The following RYR1 variants were observed in gnomAD, a reference collection of about 807,000 sequenced individuals.
RYR1 encodes the protein ryanodine receptor 1.
A neutral mutation model predicts 583.5 loss-of-function variants in RYR1; 342 were observed. That is an observed-to-expected ratio of 0.59 (90% confidence interval 0.54 to 0.64). The LOEUF is 0.64. Ranked by LOEUF, RYR1 falls within the 30% of genes least tolerant of loss-of-function variation. The probability of loss-of-function intolerance (pLI) is 0.00; values close to 1 mark genes in which losing one functional copy is unlikely to be tolerated. For synonymous variants in RYR1, 2,791 were observed against 2,822.5 expected (o/e 0.99, Z 0.35); for missense variants, 6,032 against 6,917.2 (o/e 0.87, Z 4.54).
intron 31 of RYR1, among the ~76,000 whole-genome samples, chr19:38,481,590 C>T (rs150694135): frequency 0.013 from 1,986 of 152,174 alleles, 47 homozygotes; most frequent in African/African-American, 0.045. Context: ...CACTTTGCTC[C>T]TCAAAGTGTG....
At chr19:38,442,231 G>A (rs1568433446) in intron 2 of RYR1, 118 bp from the exon 3 acceptor site, 3 of 731,342 alleles carry the variant, frequency 4.1e-6, no homozygotes, top group Admixed American at 3.7e-5. Context: ...TGGGGTGGGG[G>A]TGGGGTCTGG....
rs758867047 is a variant in RYR1, at chr19:38,483,455, T to TGGGCC, written c.4875_4879dup (p.Val1627GlyfsTer9). On this transcript the variant is annotated frameshift_variant, in exon 33 of 106. Transcript: ENST00000359596. LOFTEE classifies it high-confidence loss of function. The surrounding 1 kb of genome is among the most constrained non-coding windows in gnomAD (Gnocchi z 6.3). ...GAGGCGTGCCGGCGAGCGGCTGGGC[T>TGGGCC]GGGCCGTGCAGTGCCAGGAGCCGCT... The TGGGCC allele has an allele frequency of 6.4e-7, 1 of 1,570,158 alleles. No individual in the cohort carries two copies. Among genetic ancestry groups the TGGGCC allele is most frequent in the Non-Finnish European group, 8.6e-7 (1 of 1,161,210 alleles).
chr19:38,535,014 T>C, intron 79 of RYR1, 127 bp from the exon 80 acceptor site: 1 of 1,075,142 alleles, frequency 9.3e-7, no homozygotes. Flanking sequence ...CGATCACCCC[T>C]GCATGCACAC....
intron 99 of RYR1, among the ~76,000 whole-genome samples, 167 bp from the exon 100 acceptor site, chr19:38,579,815 C>T (rs1212795066): frequency 6.6e-6 from 1 of 151,988 alleles, no homozygotes; most frequent in South Asian, 2.1e-4. Flanking sequence ...CTCATCTCCC[C>T]GCAGGATGCC....
rs769120898 is a variant in RYR1, at chr19:38,561,140, G to A, written c.12310G>A (p.Gly4104Ser). 3.0e-5 allele frequency: 48 copies of A among 1,613,924 alleles called. No homozygotes were observed. In the Middle Eastern group the frequency reaches 4.9e-4, roughly 17 times the overall value. Reference protein sequence around the residue: ...KAMDSQKQFSGPEIQFLLSCS... With the variant: ...KAMDSQKQFSSPEIQFLLSCS... ...CATGGACAGCCAGAAGCAGTTCAGC[G>A]GTCCAGAAATCCAGTTCCTGCTTTC... The change falls in exon 90 of 106, where the codon GGT becomes AGT. Residue 4104 changes from glycine to serine, a missense_variant. Coordinates refer to ENST00000359596, the MANE Select transcript of RYR1 (RefSeq NM_000540.3). This position sits in a 1 kb window ranked among gnomAD's most constrained non-coding sequence, Gnocchi z 4.8.
chr19:38,487,308 C>A (rs1476006062), intron 34 of RYR1, among the ~76,000 whole-genome samples: 1 of 152,150 alleles, frequency 6.6e-6, no homozygotes, highest in Non-Finnish European at 1.5e-5. Flanking sequence ...TATTCGTAGA[C>A]CCATCTAACT....
rs34883994 is a variant in RYR1 at position 38,463,141 on chromosome 19, G to GCC, written c.2578-269_2578-268dup. The stretch of plus-strand genomic sequence containing the variant: ...TTGAACTCCTGACCTCAGGCGATCT[G>GCC]CCCCCCCCCCCCCCACTTAGCCTCC... On this transcript the variant is annotated intron_variant, in intron 20 of 105. Coordinates refer to ENST00000359596, the MANE Select transcript of RYR1 (RefSeq NM_000540.3). 4.0e-3 allele frequency among the ~76,000 whole-genome samples: 132 copies of GCC among 32,916 alleles called. 20 individuals are homozygous for GCC. The highest frequency in any genetic ancestry group is 0.011 in the African/African-American group (53 of 4,766). 21.6% of individuals were successfully genotyped at this position (32,916 alleles called of 152,430 possible).
At chr19:38,446,927 C>A (rs531291881) in intron 9 of RYR1, among the ~76,000 whole-genome samples, 159 bp downstream of exon 9, 1 of 151,924 alleles carries the variant, frequency 6.6e-6, no homozygotes, top group Non-Finnish European at 1.5e-5. Context: ...CTCGGCCAGG[C>A]GTGGTGACTT....
In RYR1 at chr19:38,505,993, G is replaced by T. The variant is rs1387895472; in HGVS notation, c.8541+47G>T. 3.2e-6 allele frequency: 5 copies of T among 1,584,436 alleles called. No homozygotes were observed. In the Admixed American group the frequency reaches 5.0e-5, roughly 16 times the overall value. Reference sequence around the variant, plus strand: ...AGGGCAGGGGCACGATGGGGGGAGGGTCTAGAACAAGGGGCATGGCCAGAC... The same window carrying T: ...AGGGCAGGGGCACGATGGGGGGAGGTTCTAGAACAAGGGGCATGGCCAGAC... On this transcript the variant is annotated intron_variant, in intron 54 of 105. Transcript: ENST00000359596.
intron 89 of RYR1, among the ~76,000 whole-genome samples, chr19:38,559,478 C>A (rs1404658260): frequency 1.3e-5 from 2 of 152,106 alleles, no homozygotes; most frequent in South Asian, 2.1e-4. Context: ...AGGTGATCCA[C>A]CCGCCTCGGC....
chr19:38,519,196 C>T lies in RYR1; in HGVS notation c.10019-18C>T. The T allele has an allele frequency of 5.6e-6, 9 of 1,614,002 alleles. No homozygotes were observed. Among genetic ancestry groups the T allele is most frequent in the Non-Finnish European group, 6.8e-6 (8 of 1,179,994 alleles). On this transcript the variant is annotated intron_variant, in intron 66 of 105. Coordinates refer to ENST00000359596, the MANE Select transcript of RYR1 (RefSeq NM_000540.3). Reference sequence around the variant, plus strand: ...TCAGAGGCCGGAGGTGGCATCAGAGCCCATCGCACCCCTGCAGTGTTCGCA... The same window carrying T: ...TCAGAGGCCGGAGGTGGCATCAGAGTCCATCGCACCCCTGCAGTGTTCGCA...
chr19:38,527,708 AGGAGG>A lies in RYR1; in HGVS notation c.10749_10753del (p.Glu3584ArgfsTer3), dbSNP rs1412691915. 3.7e-6 allele frequency: 6 copies of A among 1,613,714 alleles called. No individual in the cohort carries two copies. The highest frequency in any genetic ancestry group is 5.1e-6 in the Non-Finnish European group (6 of 1,179,946). On this transcript the variant is annotated frameshift_variant, in exon 73 of 106. Transcript: ENST00000359596. LOFTEE classifies it high-confidence loss of function. ...CTGTACCGGGGCGTCCCGGGTCGCGAGGAGGACGCCGATGACCCCGAGAAAATCGT... is the reference window on the plus strand; with the variant it reads ...CTGTACCGGGGCGTCCCGGGTCGCGAACGCCGATGACCCCGAGAAAATCGT...
intron 70 of RYR1, 145 bp from the exon 71 acceptor site, chr19:38,525,187 G>C: frequency 1.1e-6 from 1 of 869,734 alleles, no homozygotes; most frequent in East Asian, 2.6e-5. Context: ...CAGCAAGTCT[G>C]GGGTGGAAAT....
chr19:38,477,947 G>A, intron 30 of RYR1, 77 bp downstream of exon 30: 18 of 1,433,906 alleles, frequency 1.3e-5, no homozygotes, highest in Non-Finnish European at 1.7e-5. Context: ...CACCAGCTCT[G>A]TGGCTGCCTG....
intron 66 of RYR1, among the ~76,000 whole-genome samples, chr19:38,518,312 C>T (rs1971064854): frequency 6.7e-6 from 1 of 150,172 alleles, no homozygotes; most frequent in African/African-American, 2.5e-5. Flanking sequence ...GTAATCCCAG[C>T]ACTTTGAGAG....
intron 58 of RYR1, 48 bp from the exon 59 acceptor site, chr19:38,510,450 G>A (rs1600865035): frequency 6.2e-7 from 1 of 1,605,608 alleles, no homozygotes. Context: ...AACACCCTGG[G>A]TTCCCCAGCC....
chr19:38,576,537 A>C (rs1966385), intron 97 of RYR1, among the ~76,000 whole-genome samples: 17,056 of 151,694 alleles, frequency 0.11, 1,999 homozygotes, highest in African/African-American at 0.29. Flanking sequence ...TGAGGCCAGG[A>C]GCAGTGGCAC....
chr19:38,485,654 C>T lies in RYR1; in HGVS notation c.4999C>T (p.Arg1667Cys), dbSNP rs144157950. 2.0e-3 allele frequency: 3,295 copies of T among 1,610,588 alleles called. 21 individuals carry two copies. Among genetic ancestry groups the T allele is most frequent in the East Asian group, 0.017 (785 of 44,884 alleles). Residue 1667 changes from arginine to cysteine, a missense_variant, in exon 34 of 106, where the codon CGC (arginine) becomes TGC (cysteine). Transcript: ENST00000359596. ...GCAGCGCTTCCACTCGCACACCCTG[C>T]GCCTCTACCGCGCTGTGTGCGCCCT... ...DLQRFHSHTL[R>C]LYRAVCALGN...
intron 11 of RYR1, among the ~76,000 whole-genome samples, chr19:38,451,206 CG>C (rs1967058300): frequency 6.6e-6 from 1 of 152,208 alleles, no homozygotes; most frequent in Non-Finnish European, 1.5e-5. Flanking sequence ...GGCGTAGAGA[CG>C]GGGCCTGGGC....
Sources: gnomAD v4.1 joint callset for allele counts (sites outside exome capture counted in the v4.1 genomes callset) on GRCh38, gnomAD v4.1.1 for gene constraint, Gnocchi (gnomAD v3.1) non-coding constraint, MANE v1.5 for transcripts, NCBI Gene and HGNC (gene_info 2026-07-23, HGNC 2026-07-21) for gene names.